RNF38: variants seen among roughly 807,000 people sequenced by gnomAD.
RNF38 encodes ring finger protein 38, also known as E3 ubiquitin-protein ligase RNF38.
In RNF38, 15 loss-of-function variants were observed where a neutral mutation model predicts 67.2. That is an observed-to-expected ratio of 0.22 (90% CI 0.15 to 0.34). The LOEUF (loss-of-function observed/expected upper bound fraction) is 0.34. RNF38 is among the 10% of genes least tolerant of loss of function. The probability of loss-of-function intolerance (pLI) is 1.00; values close to 1 mark genes in which losing one functional copy is unlikely to be tolerated. For synonymous variants in RNF38, 220 were observed against 218.8 expected (o/e 1.01, Z -0.05); for missense variants, 524 against 639.9 (o/e 0.82, Z 1.95).
Position 36,352,848 on chromosome 9 carries a change from G to C in RNF38, c.1072C>G (p.Pro358Ala). The change falls in exon 8 of 12, where the codon CCT becomes GCT. Residue 358 changes from proline (P) to alanine (A), a missense_variant and splice_region_variant. Pro to Ala is a conservative substitution (Grantham distance 27, BLOSUM62 -1). Coordinates refer to ENST00000259605, the MANE Select transcript of RNF38 (RefSeq NM_022781.5). Reference protein sequence around the residue: ...PLHQEVSFGVPYPPFMPRRLT... With the variant: ...PLHQEVSFGVAYPPFMPRRLT... ...CTCCGAGGCATAAATGGAGGATAAG[G>C]CTGCAAGGGGAAAAATGTTAAGATT... 4 of 1,603,120 alleles carry C rather than the reference G, an allele frequency of 2.5e-6. No individual in the cohort carries two copies. In the South Asian group the frequency reaches 3.3e-5, roughly 13 times the overall value.
At position 36,337,063 on chromosome 9, in the gene RNF38, G is replaced by A. The variant is rs1832495619; in HGVS notation, c.*2689C>T. ...AAAAAACCCACAGCTGAGTTAAGAT[G>A]GTAAAGCCAATATTATTTTAGGAGG... is the stretch of plus-strand genomic sequence containing the variant. On this transcript the variant is annotated 3_prime_UTR_variant, in exon 12 of 12. Coordinates refer to ENST00000259605, the MANE Select transcript of RNF38 (RefSeq NM_022781.5). 6.6e-6 allele frequency: 1 copy of A among 152,082 alleles called. No individual in the cohort carries two copies. The highest frequency in any genetic ancestry group is 1.5e-5 in the Non-Finnish European group (1 of 68,018). 9.4% of individuals were successfully genotyped at this position (152,082 alleles called of 1,614,324 possible).
upstream of RNF38, chr9:36,400,406 C>G (rs1224250322): frequency 8.8e-7 from 1 of 1,136,902 alleles, no homozygotes; most frequent in Non-Finnish European, 1.1e-6. Flanking sequence ...CGAGCTGAGA[C>G]CGCGCCTCCT....
intron 4 of RNF38, among the ~76,000 whole-genome samples, chr9:36,368,380 C>T (rs2133759077): frequency 6.6e-6 from 1 of 152,252 alleles, no homozygotes; most frequent in East Asian, 1.9e-4. Flanking sequence ...TCACTAACCA[C>T]CACCCCTCCT....
intron 1 of RNF38, among the ~76,000 whole-genome samples, chr9:36,482,453 A>G (rs1159751485): frequency 6.6e-6 from 1 of 150,740 alleles, no homozygotes; most frequent in Non-Finnish European, 1.5e-5. Flanking sequence ...CCCGGGTTCA[A>G]GCGATTCTCC....
intron 1 of RNF38, among the ~76,000 whole-genome samples, chr9:36,468,258 A>AG (rs397740820): frequency 6.6e-6 from 1 of 151,114 alleles, no homozygotes; most frequent in Non-Finnish European, 1.5e-5. Flanking sequence ...AAAAAAAAAA[A>AG]GGCAGAACAA....
At chr9:36,379,590 C>T (rs1163475753) in intron 2 of RNF38, among the ~76,000 whole-genome samples, 3 of 152,154 alleles carry the variant, frequency 2.0e-5, no homozygotes, top group African/African-American at 7.2e-5. Context: ...TGTGTGCTCA[C>T]AACCTTCCCT....
intron 1 of RNF38, among the ~76,000 whole-genome samples, chr9:36,481,216 T>C (rs936729616): frequency 6.6e-6 from 1 of 152,086 alleles, no homozygotes; most frequent in African/African-American, 2.4e-5. Context: ...GGTTTCACCA[T>C]GTTGGTCAGG....
chr9:36,345,808 T>TA (rs1341486412), intron 9 of RNF38, among the ~76,000 whole-genome samples: 2 of 152,210 alleles, frequency 1.3e-5, no homozygotes, highest in Non-Finnish European at 2.9e-5. Context: ...TTTTCACTCT[T>TA]AAATTTGAAG....
At chr9:36,394,241 CT>C (rs2134066818) in intron 1 of RNF38, among the ~76,000 whole-genome samples, 1 of 151,982 alleles carries the variant, frequency 6.6e-6, no homozygotes, top group Non-Finnish European at 1.5e-5. Context: ...TGCCACTGCA[CT>C]CCAGCCTGGC....
At chr9:36,470,806 TGGAG>T (rs1019056932) in intron 1 of RNF38, among the ~76,000 whole-genome samples, 28 of 152,142 alleles carry the variant, frequency 1.8e-4, no homozygotes, top group Admixed American at 5.3e-4. Flanking sequence ...CCATACAGCA[TGGAG>T]GAAGGAAAAC....
rs945771471 is a variant in RNF38 at position 36,337,108 on chromosome 9, G to A, written c.*2644C>T. ...AGGAGGAAAGAGGACGAAGGCCAAT[G>A]AACCAACATCTGCCTGCTATCTGGT... On this transcript the variant is annotated 3_prime_UTR_variant, in exon 12 of 12. Transcript: ENST00000259605. 2.6e-5 allele frequency: 4 copies of A among 152,206 alleles called. No individual in the cohort carries two copies. In the South Asian group the frequency reaches 8.3e-4, roughly 32 times the overall value. 9.4% of individuals were successfully genotyped at this position (152,206 alleles called of 1,614,324 possible).
intron 1 of RNF38, among the ~76,000 whole-genome samples, chr9:36,445,336 T>C (rs1395314443): frequency 6.6e-6 from 1 of 152,220 alleles, no homozygotes; most frequent in Non-Finnish European, 1.5e-5. Context: ...CAAAGTAGAT[T>C]TTGTGGCCAG....
chr9:36,469,844 G>A (rs1300906392), intron 1 of RNF38, among the ~76,000 whole-genome samples: 3 of 152,032 alleles, frequency 2.0e-5, no homozygotes, highest in Non-Finnish European at 4.4e-5. Context: ...CGGGAGTAGT[G>A]GCACCCACCT....
At chr9:36,400,597 C>T, upstream of RNF38, 3 of 986,378 alleles carry the variant, frequency 3.0e-6, no homozygotes, top group Non-Finnish European at 3.6e-6. Flanking sequence ...CCCGCGGATC[C>T]TCGCTGGGCC....
intron 2 of RNF38, among the ~76,000 whole-genome samples, chr9:36,387,022 C>T (rs1022208809): frequency 3.9e-5 from 6 of 152,096 alleles, no homozygotes; most frequent in East Asian, 1.9e-4. Context: ...AGGCTGATCT[C>T]GAACTCCTGA....
intron 2 of RNF38, among the ~76,000 whole-genome samples, chr9:36,389,060 G>A (rs1836867675): frequency 6.6e-6 from 1 of 151,920 alleles, no homozygotes. Flanking sequence ...CAGTTTCTGG[G>A]CAAAAAAAAC....
At chr9:36,476,456 A>G (rs1840122332) in intron 1 of RNF38, among the ~76,000 whole-genome samples, 1 of 151,902 alleles carries the variant, frequency 6.6e-6, no homozygotes, top group African/African-American at 2.4e-5. Context: ...GTAGCTGTCA[A>G]ATTGGTACAG....
intron 3 of RNF38, among the ~76,000 whole-genome samples, chr9:36,371,443 CTTT>C (rs537986184): frequency 1.5e-5 from 2 of 131,516 alleles, no homozygotes; most frequent in Non-Finnish European, 1.6e-5. Flanking sequence ...GGACTAAAAG[CTTT>C]TTTTTTTTTT....
chr9:36,401,906 C>T (rs181832679), upstream of RNF38, among the ~76,000 whole-genome samples: 2 of 152,328 alleles, frequency 1.3e-5, no homozygotes, highest in African/African-American at 4.8e-5. Context: ...AAACCAGTCT[C>T]TCTTTCCCTC....
Sources: gnomAD v4.1 joint callset for allele counts (sites outside exome capture counted in the v4.1 genomes callset) on GRCh38, gnomAD v4.1.1 for gene constraint, MANE v1.5 for transcripts, NCBI Gene and HGNC (gene_info 2026-07-23, HGNC 2026-07-21) for gene names.